Variants in RIC8B observed in about 807,000 individuals in gnomAD.
RIC8B encodes RIC8 guanine nucleotide exchange factor B.
RIC8B carries 16 observed loss-of-function variants against 57.5 expected under a neutral mutation model. The ratio of observed to expected loss-of-function variants is 0.28; its 90% CI spans 0.19 to 0.42. RIC8B has a LOEUF of 0.42. Ranked by LOEUF, RIC8B falls within the 10% of genes least tolerant of loss-of-function variation. The pLI, the probability that RIC8B is intolerant of heterozygous loss-of-function variation, is 1.00. For synonymous variants in RIC8B, 216 were observed against 250.8 expected (o/e 0.86, Z 1.31); for missense variants, 481 against 677.0 (o/e 0.71, Z 3.21).
intron 5 of RIC8B, 84 bp from the exon 6 acceptor site, chr12:106,843,768 A>T: frequency 3.8e-6 from 3 of 792,944 alleles, no homozygotes; most frequent in Non-Finnish European, 5.9e-6. Flanking sequence ...AAACAAATTG[A>T]TATCCTCAGT....
rs754513720 is a variant in RIC8B, at chr12:106,814,803, A to G, written c.240A>G (p.Leu80=). The G allele has an allele frequency of 6.2e-7, 1 of 1,614,226 alleles. No individual in the cohort carries two copies. Among genetic ancestry groups the G allele is most frequent in the Non-Finnish European group, 8.5e-7 (1 of 1,180,026 alleles). Residue 80 remains leucine, a synonymous_variant, in exon 3 of 10, where the codon TTA becomes TTG. Transcript: ENST00000392837. ...TTCTCTCCAGAGACAAAAAGGTTTTAGTTCCTGTGACAACTAAGGAAAATA... is the reference window on the plus strand; with the variant it reads ...TTCTCTCCAGAGACAAAAAGGTTTTGGTTCCTGTGACAACTAAGGAAAATA... The part of the protein sequence containing the change: ...LRILSRDKKV[L]VPVTTKENMQ...
chr12:106,795,283 G>A (rs1221087302), intron 2 of RIC8B, among the ~76,000 whole-genome samples: 1 of 152,108 alleles, frequency 6.6e-6, no homozygotes, highest in Non-Finnish European at 1.5e-5. Context: ...CGTTGTCTGG[G>A]GTAAATACCC....
At chr12:106,821,065 G>A (rs193174585) in intron 3 of RIC8B, among the ~76,000 whole-genome samples, 1 of 152,272 alleles carries the variant, frequency 6.6e-6, no homozygotes, top group African/African-American at 2.4e-5. Context: ...TTAGTAAACA[G>A]TTGTATAAGC....
chr12:106,815,133 G>A lies in RIC8B; in HGVS notation c.570G>A (p.Pro190=), dbSNP rs143498691. The change falls in exon 3 of 10, where the codon CCG becomes CCA. Residue 190 remains proline (P), a synonymous_variant. Transcript: ENST00000392837. ...SQLRYELQGL[P]LLTQILESAF... ...TGCGCTATGAGCTCCAGGGACTACCGCTGCTAACGCAGATCTTGGAAAGTG... is the reference window on the plus strand; with the variant it reads ...TGCGCTATGAGCTCCAGGGACTACCACTGCTAACGCAGATCTTGGAAAGTG... The A allele has an allele frequency of 1.9e-6, 3 of 1,614,126 alleles. No homozygotes were observed. The highest frequency in any genetic ancestry group is 1.3e-5 in the African/African-American group (1 of 74,950).
chr12:106,837,972 T>C (rs1482982610), intron 4 of RIC8B, among the ~76,000 whole-genome samples: 1 of 152,196 alleles, frequency 6.6e-6, no homozygotes, highest in Non-Finnish European at 1.5e-5. Context: ...CTGAATCATT[T>C]CAGATGGTTT....
At chr12:106,838,911 A>G (rs898433176) in intron 4 of RIC8B, among the ~76,000 whole-genome samples, 6 of 151,992 alleles carry the variant, frequency 3.9e-5, no homozygotes, top group African/African-American at 1.2e-4. Flanking sequence ...CAACAGGTAC[A>G]TGAAAAGGTA....
chr12:106,776,006 T>A (rs1458157468), intron 1 of RIC8B, among the ~76,000 whole-genome samples: 1 of 152,226 alleles, frequency 6.6e-6, no homozygotes, highest in African/African-American at 2.4e-5. Context: ...TACTGGTGGC[T>A]GAATTCCCGT....
rs1949475594 is a variant in RIC8B at position 106,851,445 on chromosome 12, A to G, written c.1162-5A>G. The G allele has an allele frequency of 6.2e-7, 1 of 1,611,080 alleles. No individual in the cohort carries two copies. Among genetic ancestry groups the G allele is most frequent in the Non-Finnish European group, 8.5e-7 (1 of 1,179,328 alleles). ...TGATGATGGTTTTTGCATTTGTGCCATCAGGTTTTACCACCGTTGAGGGAT... is the reference window on the plus strand; with the variant it reads ...TGATGATGGTTTTTGCATTTGTGCCGTCAGGTTTTACCACCGTTGAGGGAT... On this transcript the variant is annotated splice_region_variant and splice_polypyrimidine_tract_variant and intron_variant, in intron 6 of 9. Transcript: ENST00000392837.
At chr12:106,849,719 G>A (rs1949380875) in intron 6 of RIC8B, among the ~76,000 whole-genome samples, 1 of 152,110 alleles carries the variant, frequency 6.6e-6, no homozygotes, top group African/African-American at 2.4e-5. Flanking sequence ...TGTAAGTAAG[G>A]TGGTGGCAGT....
chr12:106,801,836 C>T (rs187729132), intron 2 of RIC8B, among the ~76,000 whole-genome samples: 8 of 152,290 alleles, frequency 5.3e-5, no homozygotes, highest in Non-Finnish European at 1.2e-4. Context: ...ACAACATTGT[C>T]CCAACTACAG....
chr12:106,861,347 T>C (rs998175840), intron 8 of RIC8B, among the ~76,000 whole-genome samples: 2 of 152,026 alleles, frequency 1.3e-5, no homozygotes, highest in African/African-American at 4.8e-5. Context: ...TTAAAAAACA[T>C]ACATTGTGCC....
chr12:106,833,307 T>A (rs1158135055), intron 4 of RIC8B, among the ~76,000 whole-genome samples: 1 of 152,128 alleles, frequency 6.6e-6, no homozygotes, highest in African/African-American at 2.4e-5. Context: ...TGCCACAAAC[T>A]TTCAAAATTA....
chr12:106,799,573 C>G lies in RIC8B; in HGVS notation c.133-15123C>G, dbSNP rs567488703. On this transcript the variant is annotated intron_variant, in intron 2 of 9. Coordinates refer to ENST00000392837, the MANE Select transcript of RIC8B (RefSeq NM_001330145.2). Reference sequence around the variant, plus strand: ...GTCACGTAAAAGATGCCTTATACTTCATAATAGGGTCTTTCATATGCTGTC... The same window carrying G: ...GTCACGTAAAAGATGCCTTATACTTGATAATAGGGTCTTTCATATGCTGTC... 4.0e-4 allele frequency among the ~76,000 whole-genome samples: 61 copies of G among 152,288 alleles called. No homozygotes were observed. In the Middle Eastern group the frequency reaches 0.017, roughly 42 times the overall value.
chr12:106,845,023 C>G (rs1949122505), intron 6 of RIC8B, among the ~76,000 whole-genome samples: 1 of 152,064 alleles, frequency 6.6e-6, no homozygotes, highest in South Asian at 2.1e-4. Context: ...GTCATTTTTT[C>G]CCACTGTTCT....
intron 6 of RIC8B, among the ~76,000 whole-genome samples, chr12:106,850,483 G>T (rs1277670620): frequency 6.6e-6 from 1 of 152,172 alleles, no homozygotes; most frequent in Non-Finnish European, 1.5e-5. Flanking sequence ...TATGTGGGTG[G>T]ATGAATGGGT....
intron 6 of RIC8B, among the ~76,000 whole-genome samples, chr12:106,848,425 A>G (rs1949304593): frequency 1.3e-5 from 2 of 152,200 alleles, no homozygotes; most frequent in African/African-American, 4.8e-5. Flanking sequence ...GAGGAGTGAC[A>G]TGATCTGACT....
intron 1 of RIC8B, among the ~76,000 whole-genome samples, chr12:106,779,260 C>T (rs1225628516): frequency 3.0e-5 from 4 of 134,508 alleles, no homozygotes; most frequent in Non-Finnish European, 6.3e-5. Context: ...GAGACAGAGT[C>T]TCATTCTGCC....
chr12:106,870,103 T>C (rs1950337098), intron 8 of RIC8B, among the ~76,000 whole-genome samples: 1 of 152,190 alleles, frequency 6.6e-6, no homozygotes, highest in Non-Finnish European at 1.5e-5. Context: ...AGTATGGCTT[T>C]TCTCTAAGAG....
chr12:106,812,044 TA>T (rs3837507), intron 2 of RIC8B, among the ~76,000 whole-genome samples: 52,271 of 151,584 alleles, frequency 0.34, 9,020 homozygotes, highest in South Asian at 0.38. Flanking sequence ...ACATCACTTT[TA>T]TTTTTTACGT....
Sources: gnomAD v4.1 joint callset for allele counts (sites outside exome capture counted in the v4.1 genomes callset) on GRCh38, gnomAD v4.1.1 for gene constraint, MANE v1.5 for transcripts, NCBI Gene and HGNC (gene_info 2026-07-23, HGNC 2026-07-21) for gene names.